The following ZNF475 variants were observed in gnomAD, a reference collection of about 807,000 sequenced individuals.
ZNF475 encodes zinc finger protein 475.
At chr5:122,161,537 T>C in the ZNF475 span, among the ~76,000 whole-genome samples, 1 of 152,190 alleles carries the variant, frequency 6.6e-6, no homozygotes. Context: ...TATAGGAAAA[T>C]TCCTTTTTTT....
chr5:122,169,571 A>G, the ZNF475 span, among the ~76,000 whole-genome samples: 1 of 152,190 alleles, frequency 6.6e-6, no homozygotes, highest in Non-Finnish European at 1.5e-5. Flanking sequence ...CCATGGCTGA[A>G]GTCTATATGA....
chr5:122,180,526 A>G, the ZNF475 span, among the ~76,000 whole-genome samples: 1 of 152,364 alleles, frequency 6.6e-6, no homozygotes, highest in East Asian at 1.9e-4. Context: ...AGAATAGTTA[A>G]GAAAATATTT....
At chr5:122,166,295 A>C in the ZNF475 span, among the ~76,000 whole-genome samples, 1 of 152,214 alleles carries the variant, frequency 6.6e-6, no homozygotes, top group East Asian at 1.9e-4. Flanking sequence ...ATACTAATGA[A>C]CTTTGAAGTG....
the ZNF475 span, among the ~76,000 whole-genome samples, chr5:122,177,240 A>G: frequency 6.6e-6 from 1 of 152,230 alleles, no homozygotes; most frequent in Non-Finnish European, 1.5e-5. Context: ...AGCCTACTCC[A>G]GATCAAAAAA....
At chr5:122,170,431 C>T in the ZNF475 span, among the ~76,000 whole-genome samples, 1 of 152,172 alleles carries the variant, frequency 6.6e-6, no homozygotes, top group South Asian at 2.1e-4. Flanking sequence ...TAACAGCTCA[C>T]AAAACTCAGG....
At chr5:122,176,562 A>G in the ZNF475 span, among the ~76,000 whole-genome samples, 22 of 152,266 alleles carry the variant, frequency 1.4e-4, no homozygotes, top group Non-Finnish European at 2.2e-4. Context: ...GGCTTCTGTC[A>G]ATGCCCCTTC....
chr5:122,168,972 A>C, the ZNF475 span, among the ~76,000 whole-genome samples: 2 of 152,220 alleles, frequency 1.3e-5, no homozygotes. Flanking sequence ...CCAAGGTGGA[A>C]AGGCAGAGGG....
the ZNF475 span, among the ~76,000 whole-genome samples, chr5:122,176,817 C>G: frequency 2.6e-5 from 4 of 152,160 alleles, no homozygotes; most frequent in Non-Finnish European, 5.9e-5. Context: ...TATCTTGCAA[C>G]TTTGAGTCTC....
At chr5:122,179,839 A>G in the ZNF475 span, 50 of 758,282 alleles carry the variant, frequency 6.6e-5, 1 homozygote, top group East Asian at 3.5e-4. Flanking sequence ...AAAATCAACA[A>G]CATTTCTTGC....
At chr5:122,176,653 G>T in the ZNF475 span, among the ~76,000 whole-genome samples, 1 of 152,104 alleles carries the variant, frequency 6.6e-6, no homozygotes, top group Non-Finnish European at 1.5e-5. Flanking sequence ...GACGGTCCCT[G>T]CATGCCTGCA....
At chr5:122,160,734 A>G in the ZNF475 span, among the ~76,000 whole-genome samples, 1 of 152,174 alleles carries the variant, frequency 6.6e-6, no homozygotes, top group African/African-American at 2.4e-5. Flanking sequence ...AAAAACCATA[A>G]CATAGTTATA....
At chr5:122,175,343 T>G in the ZNF475 span, among the ~76,000 whole-genome samples, 4 of 152,202 alleles carry the variant, frequency 2.6e-5, no homozygotes, top group Non-Finnish European at 5.9e-5. Context: ...GACATACACA[T>G]TAACCAAGTT....
At chr5:122,179,563 G>A in the ZNF475 span, 17,603 of 1,507,304 alleles carry the variant, frequency 0.012, 126 homozygotes, top group Non-Finnish European at 0.014. Flanking sequence ...ACAATGATAC[G>A]GCGTCCACCA....
the ZNF475 span, among the ~76,000 whole-genome samples, chr5:122,166,827 G>A: frequency 1.3e-5 from 2 of 152,192 alleles, no homozygotes; most frequent in African/African-American, 4.8e-5. Context: ...ATAGCAGCAT[G>A]ATTTATAATC....
At chr5:122,182,553 T>C in the ZNF475 span, 1 of 1,535,520 alleles carries the variant, frequency 6.5e-7, no homozygotes, top group Non-Finnish European at 8.7e-7. Context: ...CCACAGCCAG[T>C]TGGTTCCCTG....
At chr5:122,165,503 CA>C in the ZNF475 span, among the ~76,000 whole-genome samples, 4 of 152,104 alleles carry the variant, frequency 2.6e-5, no homozygotes, top group Non-Finnish European at 4.4e-5. Context: ...TGTGTTATTA[CA>C]GATTAATGAT....
chr5:122,182,446 T>G, the ZNF475 span: 2 of 1,418,176 alleles, frequency 1.4e-6, no homozygotes, highest in Non-Finnish European at 1.9e-6. Context: ...TTTTTGGTAT[T>G]TTTTTTTCTT....
the ZNF475 span, among the ~76,000 whole-genome samples, chr5:122,161,956 G>T: frequency 6.6e-6 from 1 of 151,402 alleles, no homozygotes; most frequent in Admixed American, 6.6e-5. Context: ...AAGCAGAAAC[G>T]GCTCTTATCT....
chr5:122,170,738 G>A, the ZNF475 span, among the ~76,000 whole-genome samples: 1 of 152,176 alleles, frequency 6.6e-6, no homozygotes, highest in Admixed American at 6.5e-5. Flanking sequence ...AGAGGTCAGC[G>A]AGTAGAGCTG....
Sources: gnomAD v4.1 joint callset for allele counts (sites outside exome capture counted in the v4.1 genomes callset) on GRCh38, gnomAD v4.1.1 for gene constraint, MANE v1.5 for transcripts, NCBI Gene and HGNC (gene_info 2026-07-23, HGNC 2026-07-21) for gene names.